CFAP77: variants seen among roughly 807,000 people sequenced by gnomAD.
CFAP77 encodes the protein cilia- and flagella-associated protein 77.
A neutral mutation model predicts 31.1 loss-of-function variants in CFAP77; 25 were observed. That is an observed-to-expected ratio of 0.80 (90% CI 0.59 to 1.12). The LOEUF is 1.12. Among genes scored for constraint, CFAP77 ranks in the 50% most tolerant of loss-of-function variants. The probability of loss-of-function intolerance (pLI) is 0.00; values close to 1 mark genes in which losing one functional copy is unlikely to be tolerated. For synonymous variants in CFAP77, 151 were observed against 159.9 expected, an observed-to-expected ratio of 0.94 and a Z score of 0.42; for missense variants, 377 against 397.3, an observed-to-expected ratio of 0.95 and a Z score of 0.44.
At chr9:132,420,637 C>T (rs903076464) in intron 1 of CFAP77, among the ~76,000 whole-genome samples, 1 of 149,406 alleles carries the variant, frequency 6.7e-6, no homozygotes, top group African/African-American at 2.5e-5. Flanking sequence ...CTCCGGCCTG[C>T]AGCCTGGGTG....
rs150390550 is a variant in CFAP77, at chr9:132,422,773, C to T, written c.195+12307C>T. On this transcript the variant is annotated intron_variant, in intron 1 of 5. Coordinates refer to ENST00000393216, the MANE Select transcript of CFAP77 (RefSeq NM_001282957.2). Reference sequence around the variant, plus strand: ...GAAACCAACAAGAGGCTGCAGCAACCACACCTCCTTCCCTCTACTGAAGGT... The same window carrying T: ...GAAACCAACAAGAGGCTGCAGCAACTACACCTCCTTCCCTCTACTGAAGGT... Among the ~76,000 whole-genome samples the T allele has an allele frequency of 1.2e-4, 18 of 152,248 alleles. No individual in the cohort carries two copies. In the East Asian group the frequency reaches 3.5e-3, roughly 30 times the overall value.
At chr9:132,420,186 A>T (rs1466061553) in intron 1 of CFAP77, among the ~76,000 whole-genome samples, 2 of 144,604 alleles carry the variant, frequency 1.4e-5, no homozygotes, top group Non-Finnish European at 3.0e-5. Flanking sequence ...GTGGAAGGAG[A>T]GGTGATGAGA....
At chr9:132,446,601 C>T (rs759593650) in intron 1 of CFAP77, among the ~76,000 whole-genome samples, 3 of 151,790 alleles carry the variant, frequency 2.0e-5, no homozygotes, top group Non-Finnish European at 1.5e-5. Flanking sequence ...ATTAGCTGGG[C>T]GTGGTGGTGG....
chr9:132,447,599 G>C (rs973131398), intron 1 of CFAP77, among the ~76,000 whole-genome samples: 1 of 152,332 alleles, frequency 6.6e-6, no homozygotes, highest in East Asian at 1.9e-4. Flanking sequence ...CGGTCGGTCC[G>C]CGTAGATCAG....
intron 5 of CFAP77, among the ~76,000 whole-genome samples, chr9:132,571,633 C>T (rs1379056961): frequency 6.6e-6 from 1 of 152,226 alleles, no homozygotes; most frequent in Non-Finnish European, 1.5e-5. Flanking sequence ...CACGTGAGCC[C>T]AAACCCTTTC....
intron 3 of CFAP77, among the ~76,000 whole-genome samples, chr9:132,535,889 T>A (rs1281525183): frequency 6.6e-6 from 1 of 152,152 alleles, no homozygotes; most frequent in African/African-American, 2.4e-5. Flanking sequence ...ATTTTTTATG[T>A]TTCCAAAGTC....
At chr9:132,556,048 A>G (rs1564251507) in intron 5 of CFAP77, among the ~76,000 whole-genome samples, 1 of 152,098 alleles carries the variant, frequency 6.6e-6, no homozygotes, top group Non-Finnish European at 1.5e-5. Flanking sequence ...AGAACCCACC[A>G]GGAGTTTAAG....
chr9:132,438,199 CA>C (rs954482789), intron 1 of CFAP77, among the ~76,000 whole-genome samples: 1,667 of 47,854 alleles, frequency 0.035, 6 homozygotes, highest in East Asian at 0.099. Context: ...GAGACGCCAT[CA>C]AAAAAAAAAA....
intron 1 of CFAP77, among the ~76,000 whole-genome samples, chr9:132,458,338 C>A: frequency 2.3e-5 from 1 of 44,248 alleles, no homozygotes; most frequent in Non-Finnish European, 4.7e-5. Flanking sequence ...CTTTGTCTCC[C>A]TGGCGGGGGA....
At chr9:132,513,690 C>T (rs998100887) in intron 3 of CFAP77, among the ~76,000 whole-genome samples, 4 of 152,176 alleles carry the variant, frequency 2.6e-5, no homozygotes, top group Admixed American at 6.5e-5. Context: ...AGGTGTTTCT[C>T]GTGTCCCCCC....
chr9:132,504,782 C>T (rs1192337710), intron 3 of CFAP77, among the ~76,000 whole-genome samples: 1 of 132,666 alleles, frequency 7.5e-6, no homozygotes, highest in Non-Finnish European at 1.6e-5. Context: ...GCCCAACCTG[C>T]GTGGAAAGCC....
At chr9:132,466,673 T>C (rs1246794472) in intron 1 of CFAP77, among the ~76,000 whole-genome samples, 1 of 152,156 alleles carries the variant, frequency 6.6e-6, no homozygotes, top group Non-Finnish European at 1.5e-5. Context: ...AGAAAATAGC[T>C]CAGAGTTAGT....
At chr9:132,516,227 T>G (rs1240766116) in intron 3 of CFAP77, among the ~76,000 whole-genome samples, 1 of 152,226 alleles carries the variant, frequency 6.6e-6, no homozygotes, top group Non-Finnish European at 1.5e-5. Flanking sequence ...TATTGGTTAC[T>G]TAAGATTTCA....
chr9:132,513,516 T>C (rs562864926), intron 3 of CFAP77: 137 of 805,090 alleles, frequency 1.7e-4, no homozygotes, highest in Admixed American at 6.3e-4. Flanking sequence ...CCAGTTTTGC[T>C]CTGTCGTTAG....
At chr9:132,429,662 G>A (rs1850376491) in intron 1 of CFAP77, among the ~76,000 whole-genome samples, 1 of 149,034 alleles carries the variant, frequency 6.7e-6, no homozygotes, top group South Asian at 2.1e-4. Context: ...GGCTAACACG[G>A]CGAAACCCCG....
intron 1 of CFAP77, among the ~76,000 whole-genome samples, chr9:132,437,366 A>G (rs889312007): frequency 6.6e-6 from 1 of 152,212 alleles, no homozygotes; most frequent in Non-Finnish European, 1.5e-5. Flanking sequence ...AAAGACGGCC[A>G]GTATTACGGG....
rs994395134 is a variant in CFAP77 at position 132,489,840 on chromosome 9, C to T, written c.196-8855C>T. Among the ~76,000 whole-genome samples the T allele has an allele frequency of 4.6e-4, 70 of 152,274 alleles. 1 individual carries two copies. Among genetic ancestry groups the T allele is most frequent in the African/African-American group, 1.6e-3 (68 of 41,544 alleles). The stretch of plus-strand genomic sequence containing the variant: ...GGCAGGCTGATGGGGCACCGGGTGG[C>T]TGATCAGAGCTGAGATTTGGGACCG... On this transcript the variant is annotated intron_variant, in intron 1 of 5. Transcript: ENST00000393216.
At chr9:132,571,106 C>T in intron 5 of CFAP77, among the ~76,000 whole-genome samples, 1 of 152,136 alleles carries the variant, frequency 6.6e-6, no homozygotes, top group East Asian at 1.9e-4. Context: ...GCGCCGTGGG[C>T]TTAGCTAACC....
At chr9:132,430,088 T>C (rs560216455) in intron 1 of CFAP77, among the ~76,000 whole-genome samples, 1 of 152,236 alleles carries the variant, frequency 6.6e-6, no homozygotes, top group South Asian at 2.1e-4. Flanking sequence ...CTCCGTGGCC[T>C]TCATCTCCTA....
Sources: gnomAD v4.1 joint callset for allele counts (sites outside exome capture counted in the v4.1 genomes callset) on GRCh38, gnomAD v4.1.1 for gene constraint, MANE v1.5 for transcripts, NCBI Gene and HGNC (gene_info 2026-07-23, HGNC 2026-07-21) for gene names.